TMEM132D: variants seen among roughly 807,000 people sequenced by gnomAD.
The protein encoded by TMEM132D is transmembrane protein 132D, also known as mature OL transmembrane protein.
In TMEM132D, 21 loss-of-function variants were observed where a neutral mutation model predicts 62.3. That is an observed-to-expected ratio of 0.34 (90% confidence interval 0.24 to 0.49). The LOEUF is 0.49. Ranked by LOEUF, TMEM132D falls within the 20% of genes least tolerant of loss-of-function variation. The pLI is 0.99. For missense variants in TMEM132D, 1,346 were observed against 1,402.8 expected (o/e 0.96, Z 0.65); for synonymous variants, 621 against 575.6 (o/e 1.08, Z -1.13).
intron 2 of TMEM132D, among the ~76,000 whole-genome samples, chr12:129,669,454 C>G (rs1880450441): frequency 6.6e-6 from 1 of 152,132 alleles, no homozygotes; most frequent in Non-Finnish European, 1.5e-5. Flanking sequence ...CCTGTAATCC[C>G]AGCACTCTGA....
At chr12:129,322,279 G>A (rs925401301) in intron 4 of TMEM132D, among the ~76,000 whole-genome samples, 8 of 151,914 alleles carry the variant, frequency 5.3e-5, no homozygotes, top group Admixed American at 2.0e-4. Flanking sequence ...TTAAATCCTG[G>A]TGATGTAAAA....
intron 2 of TMEM132D, among the ~76,000 whole-genome samples, chr12:129,694,523 A>C (rs1447091345): frequency 2.0e-5 from 3 of 152,094 alleles, no homozygotes; most frequent in Non-Finnish European, 4.4e-5. Context: ...AAGATTGAAA[A>C]CCTAACTTCG....
intron 3 of TMEM132D, among the ~76,000 whole-genome samples, chr12:129,355,335 T>C (rs1056320601): frequency 1.3e-5 from 2 of 148,776 alleles, no homozygotes; most frequent in African/African-American, 5.0e-5. Context: ...GATAGGTCCT[T>C]AAAAAGCACA....
chr12:129,391,000 A>G (rs1210662834), intron 3 of TMEM132D, among the ~76,000 whole-genome samples: 2 of 152,240 alleles, frequency 1.3e-5, no homozygotes, highest in Non-Finnish European at 2.9e-5. Flanking sequence ...ACACTCATGC[A>G]TATCTAGCAC....
At chr12:129,415,705 C>G (rs1039071613) in intron 3 of TMEM132D, among the ~76,000 whole-genome samples, 11 of 152,222 alleles carry the variant, frequency 7.2e-5, no homozygotes, top group African/African-American at 2.7e-4. Context: ...ATGATGTTGT[C>G]TATCTCGGTT....
chr12:129,092,610 G>A (rs542415955), intron 5 of TMEM132D, among the ~76,000 whole-genome samples: 3 of 152,210 alleles, frequency 2.0e-5, no homozygotes, highest in Middle Eastern at 3.4e-3. Flanking sequence ...AAGGAGAATC[G>A]CTTGAACTCA....
intron 2 of TMEM132D, among the ~76,000 whole-genome samples, chr12:129,627,608 A>G (rs1593095776): frequency 6.6e-6 from 1 of 152,190 alleles, no homozygotes; most frequent in East Asian, 1.9e-4. Context: ...TATACACACA[A>G]TATATACACA....
At chr12:129,451,303 G>C (rs1244725418) in intron 3 of TMEM132D, among the ~76,000 whole-genome samples, 1 of 152,224 alleles carries the variant, frequency 6.6e-6, no homozygotes, top group Non-Finnish European at 1.5e-5. Context: ...TTAGAACTCT[G>C]ATAAGCAGGC....
At chr12:129,175,856 T>G (rs1877889160) in intron 5 of TMEM132D, among the ~76,000 whole-genome samples, 1 of 152,254 alleles carries the variant, frequency 6.6e-6, no homozygotes, top group African/African-American at 2.4e-5. Flanking sequence ...TTTTTTTATG[T>G]CCAAAATCCT....
intron 1 of TMEM132D, among the ~76,000 whole-genome samples, chr12:129,799,626 C>A (rs186879337): frequency 1.1e-3 from 173 of 152,128 alleles, no homozygotes; most frequent in Non-Finnish European, 2.0e-3. Context: ...CCCAGTTGGC[C>A]CGTCGGTCTC....
intron 3 of TMEM132D, among the ~76,000 whole-genome samples, chr12:129,529,596 T>C (rs983557906): frequency 3.9e-5 from 6 of 152,242 alleles, no homozygotes; most frequent in Non-Finnish European, 8.8e-5. Flanking sequence ...TAAAAAGAGA[T>C]GGCAAAAGAA....
At chr12:129,772,362 G>A (rs905389432) in intron 1 of TMEM132D, among the ~76,000 whole-genome samples, 11 of 152,126 alleles carry the variant, frequency 7.2e-5, no homozygotes, top group South Asian at 2.1e-4. Flanking sequence ...TTAATGATGC[G>A]GACTTCATAT....
In TMEM132D at chr12:129,630,710, A is replaced by C. The variant is rs905990810; in HGVS notation, c.968+69100T>G. ...ACTATGTAAATTATTGCTTTTTATT[A>C]ACTTTCATTTTAGGTTCAGGGGTAC... is the stretch of plus-strand genomic sequence containing the variant. On this transcript the variant is annotated intron_variant, in intron 2 of 8. Transcript: ENST00000422113. 1.2e-4 allele frequency among the ~76,000 whole-genome samples: 18 copies of C among 152,142 alleles called. 1 individual carries two copies.
chr12:129,845,575 AC>A (rs759419132), intron 1 of TMEM132D, among the ~76,000 whole-genome samples: 12 of 152,202 alleles, frequency 7.9e-5, no homozygotes, highest in Admixed American at 6.5e-4. Flanking sequence ...CAGCTGCCCC[AC>A]TGGTAAGGTC....
intron 5 of TMEM132D, among the ~76,000 whole-genome samples, chr12:129,145,737 C>A (rs570329335): frequency 6.6e-6 from 1 of 152,268 alleles, no homozygotes; most frequent in African/African-American, 2.4e-5. Flanking sequence ...CTTTCCAAGT[C>A]AGAAGGCTGT....
intron 4 of TMEM132D, among the ~76,000 whole-genome samples, chr12:129,226,819 T>C (rs910209723): frequency 6.6e-6 from 1 of 152,262 alleles, no homozygotes. Context: ...CTGTCTGGAC[T>C]CAGCAACGAG....
At chr12:129,775,175 C>A (rs1024992868) in intron 1 of TMEM132D, among the ~76,000 whole-genome samples, 1 of 152,204 alleles carries the variant, frequency 6.6e-6, no homozygotes, top group Non-Finnish European at 1.5e-5. Flanking sequence ...GCTGTTCAAT[C>A]ATTAAAAGTG....
intron 3 of TMEM132D, among the ~76,000 whole-genome samples, chr12:129,397,176 C>A (rs1031040119): frequency 2.6e-5 from 4 of 152,204 alleles, no homozygotes; most frequent in Non-Finnish European, 4.4e-5. Context: ...TTCAACAGCT[C>A]ACCTCTCTCA....
intron 4 of TMEM132D, among the ~76,000 whole-genome samples, chr12:129,244,202 G>A (rs1287393973): frequency 6.7e-6 from 1 of 149,120 alleles, no homozygotes; most frequent in East Asian, 2.0e-4. Context: ...TGGCTAACGC[G>A]GTGAAACCCC....
Sources: gnomAD v4.1 joint callset for allele counts (sites outside exome capture counted in the v4.1 genomes callset) on GRCh38, gnomAD v4.1.1 for gene constraint, MANE v1.5 for transcripts, NCBI Gene and HGNC (gene_info 2026-07-23, HGNC 2026-07-21) for gene names.